Variants in TFCP2 observed in about 807,000 individuals in gnomAD.
TFCP2 encodes alpha-globin transcription factor CP2.
A neutral mutation model predicts 73.4 loss-of-function variants in TFCP2; 33 were observed. The observed-to-expected ratio is 0.45, with a 90% CI of 0.34 to 0.60. The LOEUF (loss-of-function observed/expected upper bound fraction) is 0.60. Ranked by LOEUF, TFCP2 falls within the 20% of genes least tolerant of loss-of-function variation. The pLI is 0.01. For synonymous variants in TFCP2, 193 were observed against 211.6 expected, an observed-to-expected ratio of 0.91 and a Z score of 0.76; for missense variants, 352 against 604.0, an observed-to-expected ratio of 0.58 and a Z score of 4.37.
At chr12:51,108,764 A>AAAAT (rs377488334) in intron 6 of TFCP2, among the ~76,000 whole-genome samples, 3,290 of 152,166 alleles carry the variant, frequency 0.022, 123 homozygotes, top group African/African-American at 0.074. Flanking sequence ...CCCAGTCTCA[A>AAAAT]AAATAAATAA....
rs1238872220 is a variant in TFCP2, at chr12:51,094,055, G to C, written c.*1186C>G. The C allele has an allele frequency of 6.6e-6, 1 of 151,994 alleles. No homozygotes were observed. Among genetic ancestry groups the C allele is most frequent in the Non-Finnish European group, 1.5e-5 (1 of 67,978 alleles). The allele number at this position is 151,994 out of a possible 1,614,324, so 9.4% of individuals were successfully genotyped here. A position where few individuals can be genotyped will look rare whatever the true frequency, so the allele number is the denominator to read the frequency against. On this transcript the variant is annotated 3_prime_UTR_variant, in exon 15 of 15. Coordinates refer to ENST00000257915, the MANE Select transcript of TFCP2 (RefSeq NM_005653.5). ...CAAAAACATGGTAAGAGTGTGAACA[G>C]GAAGGGAATGCATCTTTTTTTGTAA...
Position 51,099,758 on chromosome 12 carries a change from G to A in TFCP2, c.1173C>T (p.Thr391=), listed in dbSNP as rs1467436247. 1.2e-6 allele frequency: 2 copies of A among 1,614,026 alleles called. No individual in the cohort carries two copies. Among genetic ancestry groups the A allele is most frequent in the Non-Finnish European group, 1.7e-6 (2 of 1,180,012 alleles). The change falls in exon 12 of 15, where the codon ACC becomes ACT. Residue 391 remains threonine (T), a synonymous_variant. Transcript: ENST00000257915. ...GCAGTGATTCCTGACAAACATAAATGGTTAACCTTGGACGCACCATCCTAA... is the reference window on the plus strand; with the variant it reads ...GCAGTGATTCCTGACAAACATAAATAGTTAACCTTGGACGCACCATCCTAA... The part of the protein sequence containing the change: ...LKGRMVRPRL[T]IYVCQESLQL...
chr12:51,125,977 T>C (rs1940805913), intron 1 of TFCP2, among the ~76,000 whole-genome samples: 1 of 152,038 alleles, frequency 6.6e-6, no homozygotes, highest in Non-Finnish European at 1.5e-5. Flanking sequence ...ACGCCTGTAA[T>C]CCCAGCACTT....
intron 1 of TFCP2, among the ~76,000 whole-genome samples, chr12:51,139,558 TG>T (rs1189291566): frequency 2.0e-5 from 3 of 152,054 alleles, no homozygotes; most frequent in Non-Finnish European, 4.4e-5. Flanking sequence ...TTTAATTTTT[TG>T]TACAGACAGG....
At chr12:51,128,713 G>A (rs187120003) in intron 1 of TFCP2, among the ~76,000 whole-genome samples, 2 of 152,258 alleles carry the variant, frequency 1.3e-5, no homozygotes. Context: ...CTATACAACT[G>A]TACCTAAAGA....
chr12:51,170,198 G>A (rs1470596128), intron 1 of TFCP2, among the ~76,000 whole-genome samples: 1 of 151,986 alleles, frequency 6.6e-6, no homozygotes, highest in Admixed American at 6.6e-5. Flanking sequence ...ACATAAACAA[G>A]GATAGGTAAA....
At chr12:51,117,126 G>A (rs939858083) in intron 3 of TFCP2, among the ~76,000 whole-genome samples, 1 of 152,084 alleles carries the variant, frequency 6.6e-6, no homozygotes, top group Non-Finnish European at 1.5e-5. Context: ...CATACAACCT[G>A]TAAACACTGA....
intron 1 of TFCP2, among the ~76,000 whole-genome samples, chr12:51,122,123 A>G (rs1261749750): frequency 2.6e-5 from 4 of 152,138 alleles, no homozygotes; most frequent in Non-Finnish European, 5.9e-5. Flanking sequence ...CATGAACACT[A>G]AAAAACAGAG....
At chr12:51,136,684 C>G (rs1941069673) in intron 1 of TFCP2, among the ~76,000 whole-genome samples, 1 of 152,112 alleles carries the variant, frequency 6.6e-6, no homozygotes, top group Admixed American at 6.6e-5. Flanking sequence ...GCCTATAATC[C>G]CAGCACTTTG....
chr12:51,134,690 AAT>A, intron 1 of TFCP2, among the ~76,000 whole-genome samples: 3 of 152,324 alleles, frequency 2.0e-5, no homozygotes, highest in Middle Eastern at 6.8e-3. Context: ...GTACCAATTA[AAT>A]CAAGTTTATT....
At chr12:51,104,078 G>C in intron 9 of TFCP2, 77 bp downstream of exon 9, 1 of 1,397,792 alleles carries the variant, frequency 7.2e-7, no homozygotes, top group Non-Finnish European at 1.0e-6. Flanking sequence ...CTAAAAGTTG[G>C]GCATTTCTAC....
chr12:51,128,835 C>T (rs949996184), intron 1 of TFCP2, among the ~76,000 whole-genome samples: 36 of 152,008 alleles, frequency 2.4e-4, no homozygotes, highest in African/African-American at 7.2e-4. Context: ...GAAAGGAGGA[C>T]GATCAAATGT....
At chr12:51,136,237 AGG>A (rs759381631) in intron 1 of TFCP2, among the ~76,000 whole-genome samples, 1 of 150,732 alleles carries the variant, frequency 6.6e-6, no homozygotes. Flanking sequence ...TGAACTTGGG[AGG>A]TGGAGGTTGC....
At chr12:51,157,678 T>C (rs1941565456) in intron 1 of TFCP2, among the ~76,000 whole-genome samples, 1 of 49,418 alleles carries the variant, frequency 2.0e-5, no homozygotes, top group Non-Finnish European at 5.0e-5. Context: ...AGTTTTTTCT[T>C]TTCTTTTCTT....
At chr12:51,124,199 G>T (rs549266167) in intron 1 of TFCP2, among the ~76,000 whole-genome samples, 1 of 152,060 alleles carries the variant, frequency 6.6e-6, no homozygotes, top group Non-Finnish European at 1.5e-5. Context: ...GGGTTCAAGG[G>T]ATCCTCCAGC....
In TFCP2 at chr12:51,168,925, C is replaced by G. The variant is rs564473769; in HGVS notation, c.122+3376G>C. On this transcript the variant is annotated intron_variant, in intron 1 of 14. Transcript: ENST00000257915. Reference sequence around the variant, plus strand: ...CATGCAAGTCTCCTGCCTCAGCCTCCCAAGTAGCTGGGATTACAGGCATGC... The same window carrying G: ...CATGCAAGTCTCCTGCCTCAGCCTCGCAAGTAGCTGGGATTACAGGCATGC... Among the ~76,000 whole-genome samples, 48 of 152,050 alleles carry G rather than the reference C, an allele frequency of 3.2e-4. No individual in the cohort carries two copies. The South Asian group carries it at 9.8e-3, about 31-fold the overall frequency.
intron 1 of TFCP2, among the ~76,000 whole-genome samples, chr12:51,130,699 A>C: frequency 6.6e-6 from 1 of 152,056 alleles, no homozygotes; most frequent in Non-Finnish European, 1.5e-5. Context: ...TACTTAAAAA[A>C]AAACTGGCCA....
Position 51,134,631 on chromosome 12 carries a change from G to A in TFCP2, c.123-15859C>T, listed in dbSNP as rs1007432977. 2.0e-5 allele frequency among the ~76,000 whole-genome samples: 3 copies of A among 152,082 alleles called. No individual in the cohort carries two copies. In the South Asian group the frequency reaches 6.2e-4, roughly 32 times the overall value. On this transcript the variant is annotated intron_variant, in intron 1 of 14. Coordinates refer to ENST00000257915, the MANE Select transcript of TFCP2 (RefSeq NM_005653.5). The stretch of plus-strand genomic sequence containing the variant: ...TCATTTTAAATTTTTACTACAACCT[G>A]AAGTTTGGAAAAAATACTGTTCTAG...
chr12:51,109,046 C>A, intron 6 of TFCP2, 75 bp downstream of exon 6: 1 of 1,511,224 alleles, frequency 6.6e-7, no homozygotes, highest in Non-Finnish European at 9.0e-7. Context: ...AGTTGATTTT[C>A]TGACTTGGTA....
Sources: gnomAD v4.1 joint callset for allele counts (sites outside exome capture counted in the v4.1 genomes callset) on GRCh38, gnomAD v4.1.1 for gene constraint, MANE v1.5 for transcripts, NCBI Gene and HGNC (gene_info 2026-07-23, HGNC 2026-07-21) for gene names.